The following ENOX1 variants were observed in gnomAD, a reference collection of about 807,000 sequenced individuals.
ENOX1 encodes the protein candidate growth-related and time keeping constitutive hydroquinone (NADH) oxidase.
Under a neutral mutation model 82.5 loss-of-function variants are expected in ENOX1, and 42 were observed. The observed-to-expected ratio is 0.51, with a 90% CI of 0.40 to 0.66. The LOEUF (loss-of-function observed/expected upper bound fraction) is 0.66. Ranked by LOEUF, ENOX1 falls within the 30% of genes least tolerant of loss-of-function variation. The pLI is 0.00. For synonymous variants in ENOX1, 271 were observed against 282.2 expected (o/e 0.96, Z 0.40); for missense variants, 608 against 811.6 (o/e 0.75, Z 3.05).
chr13:43,550,907 G>A (rs973408823), intron 2 of ENOX1, among the ~76,000 whole-genome samples: 2 of 152,128 alleles, frequency 1.3e-5, no homozygotes, highest in African/African-American at 2.4e-5. Context: ...AAAGGAGTTC[G>A]TATTACAAAA....
rs1566641605 is a variant in ENOX1 at position 43,616,162 on chromosome 13, C to CTATATATATAGA, written c.-219+51316_-219+51317insTCTATATATATA. Among the ~76,000 whole-genome samples, 4 of 7,690 alleles carry CTATATATATAGA rather than the reference C, an allele frequency of 5.2e-4. 2 individuals carry two copies. Among genetic ancestry groups the CTATATATATAGA allele is most frequent in the African/African-American group, 1.1e-3 (4 of 3,674 alleles). 5.0% of individuals were successfully genotyped at this position (7,690 alleles called of 152,430 possible). A position where few individuals can be genotyped will look rare whatever the true frequency, so the allele number is the denominator to read the frequency against. On this transcript the variant is annotated intron_variant, in intron 2 of 16. Transcript: ENST00000690772. ...TCTAGATATCTATATAGATAGATAT[C>CTATATATATAGA]TATCTATCTATCTATCTATCTATCT...
Position 43,359,971 on chromosome 13 carries a change from T to C in ENOX1, c.469A>G (p.Ile157Val), listed in dbSNP as rs1566600064. The change falls in exon 7 of 17, where the codon ATT becomes GTT. Residue 157 changes from isoleucine (I) to valine (V), a missense_variant. Physicochemically the swap from Ile to Val is conservative, Grantham distance 29. Transcript: ENST00000690772. The stretch of plus-strand genomic sequence containing the variant: ...CACTGTTCAAAGACTTCTTGAATAA[T>C]TTCCTCAGTAGCATTTTCTGGTAAT... ...GGLPENATEEIIQEVFEQCGD... is the reference protein window; with the variant it reads ...GGLPENATEEVIQEVFEQCGD... The C allele has an allele frequency of 1.9e-6, 3 of 1,614,252 alleles. No individual in the cohort carries two copies. Among genetic ancestry groups the C allele is most frequent in the Admixed American group, 3.3e-5 (2 of 60,034 alleles).
At chr13:43,447,733 T>C (rs1475201450) in intron 3 of ENOX1, among the ~76,000 whole-genome samples, 1 of 152,198 alleles carries the variant, frequency 6.6e-6, no homozygotes, top group Non-Finnish European at 1.5e-5. Flanking sequence ...TAACAGCTGA[T>C]GGATTGGTGT....
At chr13:43,435,124 A>C (rs2055939137) in intron 3 of ENOX1, among the ~76,000 whole-genome samples, 1 of 151,964 alleles carries the variant, frequency 6.6e-6, no homozygotes, top group Non-Finnish European at 1.5e-5. Context: ...CTTACCAGGA[A>C]ACACCATTTG....
At chr13:43,710,476 T>C (rs1042966642) in intron 1 of ENOX1, among the ~76,000 whole-genome samples, 1 of 152,170 alleles carries the variant, frequency 6.6e-6, no homozygotes, top group African/African-American at 2.4e-5. Flanking sequence ...AAAGGTTATA[T>C]AGCAAAATGT....
intron 2 of ENOX1, among the ~76,000 whole-genome samples, chr13:43,520,925 G>A (rs1485656573): frequency 6.6e-6 from 1 of 152,168 alleles, no homozygotes; most frequent in African/African-American, 2.4e-5. Flanking sequence ...CTTAGCTAAG[G>A]GAAGGGAGTA....
At chr13:43,643,359 T>C (rs1040502332) in intron 2 of ENOX1, among the ~76,000 whole-genome samples, 4 of 152,200 alleles carry the variant, frequency 2.6e-5, no homozygotes, top group African/African-American at 9.6e-5. Context: ...CAGATGCCTA[T>C]TTAGTATGAG....
intron 16 of ENOX1, among the ~76,000 whole-genome samples, chr13:43,215,962 C>G (rs541125091): frequency 6.6e-6 from 1 of 152,040 alleles, no homozygotes; most frequent in Non-Finnish European, 1.5e-5. Context: ...TTGGGGAGGC[C>G]GAGGTGGGTG....
chr13:43,296,050 C>G (rs920034160), intron 12 of ENOX1, among the ~76,000 whole-genome samples: 1 of 152,118 alleles, frequency 6.6e-6, no homozygotes. Context: ...CCCATAGGCA[C>G]CATGCTAGGC....
At chr13:43,384,504 C>T (rs1400540725) in intron 5 of ENOX1, among the ~76,000 whole-genome samples, 5 of 152,166 alleles carry the variant, frequency 3.3e-5, no homozygotes, top group Non-Finnish European at 5.9e-5. Context: ...GATATAACTT[C>T]CATTTTCCAG....
intron 5 of ENOX1, among the ~76,000 whole-genome samples, chr13:43,376,387 C>A (rs2051636198): frequency 6.6e-6 from 1 of 152,182 alleles, no homozygotes; most frequent in Non-Finnish European, 1.5e-5. Context: ...AGTGTCTTTT[C>A]TTGATGTCTT....
At position 43,591,922 on chromosome 13, in the gene ENOX1, A is replaced by C. The variant is rs141332268; in HGVS notation, c.-219+75557T>G. On this transcript the variant is annotated intron_variant, in intron 2 of 16. Coordinates refer to ENST00000690772, the MANE Select transcript of ENOX1 (RefSeq NM_001347969.2). ...CCAGCCTGGCTTTGACACCCTCCCC[A>C]AAACAGCCCTGTGCCAGGGGACACC... 9.8e-3 allele frequency among the ~76,000 whole-genome samples: 1,496 copies of C among 152,172 alleles called. 34 individuals carry two copies. The highest frequency in any genetic ancestry group is 0.034 in the African/African-American group (1,428 of 41,498).
chr13:43,343,744 G>C (rs2049202156), intron 9 of ENOX1, among the ~76,000 whole-genome samples: 1 of 152,158 alleles, frequency 6.6e-6, no homozygotes, highest in South Asian at 2.1e-4. Flanking sequence ...GTATGGAATG[G>C]AGCATGGCAT....
At chr13:43,230,296 A>G (rs2042221118) in intron 15 of ENOX1, among the ~76,000 whole-genome samples, 1 of 152,170 alleles carries the variant, frequency 6.6e-6, no homozygotes, top group Admixed American at 6.5e-5. Context: ...GATGCAAGTC[A>G]GACTGGAGGA....
In ENOX1 at chr13:43,326,516, A is replaced by C; in HGVS notation, c.1046T>G (p.Ile349Ser). Residue 349 changes from isoleucine to serine, a missense_variant, in exon 10 of 17, where the codon ATT (isoleucine) becomes AGT (serine). By Grantham distance (142) the Ile-to-Ser change is moderately radical. Coordinates refer to ENST00000690772, the MANE Select transcript of ENOX1 (RefSeq NM_001347969.2). ...LTGILTQFEQ[I>S]VAVFNASTRQ... ...GGTAGAAGCGTTGAAAACGGCCACA[A>C]TCTGCTCAACTTTGGTGAACAAGGA... 6.2e-7 allele frequency: 1 copy of C among 1,614,092 alleles called. No homozygotes were observed. The highest frequency in any genetic ancestry group is 8.5e-7 in the Non-Finnish European group (1 of 1,179,918).
At chr13:43,357,717 C>T (rs1208330663) in intron 7 of ENOX1, among the ~76,000 whole-genome samples, 3 of 152,100 alleles carry the variant, frequency 2.0e-5, no homozygotes, top group African/African-American at 7.2e-5. Flanking sequence ...GAAACACCCT[C>T]ACTTTCACAG....
At chr13:43,498,985 C>T (rs866113067) in intron 2 of ENOX1, among the ~76,000 whole-genome samples, 2 of 152,118 alleles carry the variant, frequency 1.3e-5, no homozygotes, top group Non-Finnish European at 2.9e-5. Context: ...AAGGTTCACA[C>T]ATCACCATTT....
At chr13:43,417,208 G>A (rs1275615473) in intron 3 of ENOX1, among the ~76,000 whole-genome samples, 2 of 106,238 alleles carry the variant, frequency 1.9e-5, no homozygotes, top group Admixed American at 9.0e-5. Context: ...GACGGGAGAC[G>A]GGAGACGGGA....
At chr13:43,234,452 G>C (rs1178821470) in intron 15 of ENOX1, among the ~76,000 whole-genome samples, 1 of 152,076 alleles carries the variant, frequency 6.6e-6, no homozygotes, top group African/African-American at 2.4e-5. Flanking sequence ...TAAGTCTCTG[G>C]CCTCCCTTCT....
Sources: allele counts gnomAD v4.1 joint callset (sites outside exome capture counted in the v4.1 genomes callset), GRCh38; gene constraint gnomAD v4.1.1; transcripts MANE v1.5; gene names NCBI Gene and HGNC (gene_info 2026-07-23, HGNC 2026-07-21).